Variants in REST observed in about 807,000 individuals in gnomAD.
The protein encoded by REST is RE1 silencing transcription factor, also known as RE1-silencing transcription factor.
A neutral mutation model predicts 30.4 loss-of-function variants in REST; 1 was observed. The observed-to-expected ratio is 0.03, with a 90% CI of 0.01 to 0.16. REST has a LOEUF of 0.16. Ranked by LOEUF, REST falls within the 10% of genes least tolerant of loss-of-function variation. The pLI is 1.00. For missense variants in REST, 1,259 were observed against 1,329.5 expected, an observed-to-expected ratio of 0.95 and a Z score of 0.82; for synonymous variants, 504 against 451.1, an observed-to-expected ratio of 1.12 and a Z score of -1.49.
intron 2 of REST, among the ~76,000 whole-genome samples, chr4:56,912,342 T>C (rs1719969640): frequency 1.4e-5 from 2 of 145,512 alleles, no homozygotes; most frequent in South Asian, 2.2e-4. Flanking sequence ...GTTGAAACTT[T>C]TTTTTTTTTT....
At position 56,927,692 on chromosome 4, in the gene REST, C is replaced by T. The variant is rs919368828; in HGVS notation, c.983-2149C>T. The T allele has an allele frequency of 1.0e-4, 112 of 1,122,934 alleles. No individual in the cohort carries two copies. In the African/African-American group the frequency reaches 1.6e-3, roughly 16 times the overall value. The allele number at this position is 1,122,934 out of a possible 1,614,324, so 69.6% of individuals were successfully genotyped here. ...ATGTATTCAGGTAGAATGTATTACT[C>T]TTATGCCTTTAATTTGGGGGTGGGG... On this transcript the variant is annotated intron_variant, in intron 3 of 3. Coordinates refer to ENST00000309042, the MANE Select transcript of REST (RefSeq NM_005612.5).
At position 56,930,339 on chromosome 4, in the gene REST, A is replaced by AACC. The variant is rs1197062370; in HGVS notation, c.1482_1483insCCA (p.Lys494_Ser495insPro). The AACC allele has an allele frequency of 1.9e-6, 3 of 1,614,020 alleles. No homozygotes were observed. In the African/African-American group the frequency reaches 4.0e-5, roughly 22 times the overall value. On this transcript the variant is annotated inframe_insertion, in exon 4 of 4. Coordinates refer to ENST00000309042, the MANE Select transcript of REST (RefSeq NM_005612.5). ...ATCCAGGTGACTACCAGAACTCGAA[A>AACC]ATCAGTAACAGAGGTGAAAGAGATG...
chr4:56,928,438 CAG>C (rs1261991015), intron 3 of REST, among the ~76,000 whole-genome samples: 1 of 151,912 alleles, frequency 6.6e-6, no homozygotes, highest in Non-Finnish European at 1.5e-5. Context: ...ATTTTTGAGA[CAG>C]GGCCTTGCCC....
At chr4:56,916,695 GT>G (rs1426658128) in intron 2 of REST, among the ~76,000 whole-genome samples, 2 of 152,224 alleles carry the variant, frequency 1.3e-5, no homozygotes, top group African/African-American at 4.8e-5. Flanking sequence ...GATTCTTCAA[GT>G]TTATCTGCAG....
At chr4:56,914,922 C>CT (rs10589188) in intron 2 of REST, among the ~76,000 whole-genome samples, 5,910 of 91,988 alleles carry the variant, frequency 0.064, 264 homozygotes, top group African/African-American at 0.076. Flanking sequence ...TTTTTTTTAA[C>CT]TTTTTTTTTT....
intron 2 of REST, among the ~76,000 whole-genome samples, chr4:56,913,565 C>T (rs922719584): frequency 6.6e-6 from 1 of 152,116 alleles, no homozygotes; most frequent in African/African-American, 2.4e-5. Context: ...GGAGTTGGCA[C>T]TTGACAGGAC....
rs1721112449 is a variant in REST, at chr4:56,935,395, T to C, written c.*3243T>C. ...ATTGAAGAAATTATCTGAATCTTGGTTTGTGTAGATTTACAATCTACATGC... is the reference window on the plus strand; with the variant it reads ...ATTGAAGAAATTATCTGAATCTTGGCTTGTGTAGATTTACAATCTACATGC... On this transcript the variant is annotated 3_prime_UTR_variant, in exon 4 of 4. Coordinates refer to ENST00000309042, the MANE Select transcript of REST (RefSeq NM_005612.5). The C allele has an allele frequency of 6.6e-6, 1 of 152,218 alleles. No individual in the cohort carries two copies. The highest frequency in any genetic ancestry group is 6.5e-5 in the Admixed American group (1 of 15,282). 9.4% of individuals were successfully genotyped at this position (152,218 alleles called of 1,614,324 possible).
Position 56,930,953 on chromosome 4 carries a change from G to A in REST, c.2095G>A (p.Ala699Thr), listed in dbSNP as rs756479154. Reference sequence around the variant, plus strand: ...CATGGAGACTGCTCAGACGGAGGTTGCCCAAATGGGGCCTGCTCCCATGGA... The same window carrying A: ...CATGGAGACTGCTCAGACGGAGGTTACCCAAATGGGGCCTGCTCCCATGGA... The part of the protein sequence containing the change: ...PPMETAQTEV[A>T]QMGPAPMEPA... Residue 699 changes from alanine to threonine, a missense_variant, in exon 4 of 4, where the codon GCC becomes ACC. Ala to Thr is a moderately conservative substitution (Grantham distance 58, BLOSUM62 0). Around this residue, in one of 5 missense-constraint regions of REST, gnomAD observed 856 missense variants for 772.8 expected, o/e 1.11. Transcript: ENST00000309042. 5.0e-6 allele frequency: 8 copies of A among 1,613,440 alleles called. No individual in the cohort carries two copies. The South Asian group carries it at 8.8e-5, about 18-fold the overall frequency.
At chr4:56,915,730 G>A (rs1720166732) in intron 2 of REST, among the ~76,000 whole-genome samples, 1 of 152,118 alleles carries the variant, frequency 6.6e-6, no homozygotes, top group Non-Finnish European at 1.5e-5. Context: ...TAGTGTTCAG[G>A]AATTACTTCT....
At chr4:56,920,426 C>A (rs1192683499) in intron 3 of REST, among the ~76,000 whole-genome samples, 1 of 151,010 alleles carries the variant, frequency 6.6e-6, no homozygotes, top group Non-Finnish European at 1.5e-5. Context: ...ATGAGAGATT[C>A]GTCCACTCCA....
In REST at chr4:56,933,125, C is replaced by T. The variant is rs112072087; in HGVS notation, c.*973C>T. ...TCGAATGGATGTAGTAAATTCACAG[C>T]TATCAGTTTTGATTTTGCAATAAAT... On this transcript the variant is annotated 3_prime_UTR_variant, in exon 4 of 4. Coordinates refer to ENST00000309042, the MANE Select transcript of REST (RefSeq NM_005612.5). The T allele has an allele frequency of 1.4e-3, 207 of 152,186 alleles. No homozygotes were observed. Among genetic ancestry groups the T allele is most frequent in the African/African-American group, 3.8e-3 (158 of 41,520 alleles). 9.4% of individuals were successfully genotyped at this position (152,186 alleles called of 1,614,324 possible). A position where few individuals can be genotyped will look rare whatever the true frequency, so the allele number is the denominator to read the frequency against.
At chr4:56,921,699 C>T (rs776812535) in intron 3 of REST, among the ~76,000 whole-genome samples, 6 of 152,088 alleles carry the variant, frequency 3.9e-5, no homozygotes, top group Non-Finnish European at 7.4e-5. Context: ...TGTGAGCCAC[C>T]GCGCCCGGCC....
chr4:56,909,445 CCATTTGGGGTGG>C (rs1273330464), intron 1 of REST: 4 of 152,374 alleles, frequency 2.6e-5, no homozygotes, highest in Middle Eastern at 3.4e-3. Flanking sequence ...CGTTAAAATT[CCATTTGGGGTGG>C]CAGTTAGGGG....
chr4:56,919,899 A>G (rs771537296), intron 3 of REST, 29 bp downstream of exon 3: 31 of 1,238,364 alleles, frequency 2.5e-5, no homozygotes, highest in Non-Finnish European at 3.6e-5. Context: ...CTTTTCTATC[A>G]TTTTCAGTAA....
Position 56,927,011 on chromosome 4 carries a change from G to A in REST, c.983-2830G>A, listed in dbSNP as rs770570710. On this transcript the variant is annotated intron_variant, in intron 3 of 3. Transcript: ENST00000309042. ...CTAGGGAAGGTGAGGCAGGAGAATC[G>A]CTTGAACCTGGGAGGCGGGGGTTGC... Among the ~76,000 whole-genome samples the A allele has an allele frequency of 4.9e-4, 75 of 151,814 alleles. 2 individuals carry two copies. Among genetic ancestry groups the A allele is most frequent in the Admixed American group, 2.6e-4 (4 of 15,226 alleles).
Position 56,911,202 on chromosome 4 carries a change from G to A in REST, c.564G>A (p.Val188=), listed in dbSNP as rs758153023. The part of the protein sequence containing the change: ...IRVHSAKKFF[V]EESAEKQAKA... ...TTCACAGTGCTAAGAAATTTTTTGT[G>A]GAAGAGAGTGCAGAGAAGCAGGCAA... Residue 188 remains valine (V), a synonymous_variant, in exon 2 of 4, where the codon GTG becomes GTA. Coordinates refer to ENST00000309042, the MANE Select transcript of REST (RefSeq NM_005612.5). The A allele has an allele frequency of 6.2e-7, 1 of 1,614,134 alleles. No individual in the cohort carries two copies. The highest frequency in any genetic ancestry group is 1.7e-5 in the Admixed American group (1 of 60,002).
rs747917773 is a variant in REST, at chr4:56,930,505, C to A, written c.1647C>A (p.Ser549Arg). The A allele has an allele frequency of 6.2e-7, 1 of 1,610,878 alleles. No homozygotes were observed. Among genetic ancestry groups the A allele is most frequent in the Non-Finnish European group, 8.5e-7 (1 of 1,179,308 alleles). Residue 549 changes from serine to arginine, a missense_variant, in exon 4 of 4, where the codon AGC (serine) becomes AGA (arginine). Ser to Arg is a moderately radical substitution (Grantham distance 110, BLOSUM62 -1). Around this residue, in one of 5 missense-constraint regions of REST, gnomAD observed 856 missense variants for 772.8 expected, o/e 1.11. Transcript: ENST00000309042. The stretch of plus-strand genomic sequence containing the variant: ...CAAAAAAGAAAAAGAAGGTAGAAAG[C>A]AAATCCAAAAATAATAGTCAGGAAG... Reference protein sequence around the residue: ...SSTKKKKKVESKSKNNSQEVP... With the variant: ...SSTKKKKKVERKSKNNSQEVP...
At chr4:56,912,380 G>A (rs779488882) in intron 2 of REST, among the ~76,000 whole-genome samples, 3 of 133,198 alleles carry the variant, frequency 2.3e-5, no homozygotes, top group South Asian at 2.4e-4. Context: ...TGGCTTTGTC[G>A]CCCAGGCTGG....
At chr4:56,925,089 CG>C (rs573479446) in intron 3 of REST, among the ~76,000 whole-genome samples, 142 of 148,654 alleles carry the variant, frequency 9.6e-4, no homozygotes, top group Middle Eastern at 3.5e-3. Flanking sequence ...CACTTGAACC[CG>C]GGAGACGGTG....
Sources: allele counts gnomAD v4.1 joint callset (sites outside exome capture counted in the v4.1 genomes callset), GRCh38; gene constraint gnomAD v4.1.1; regional missense constraint gnomAD v4.1.1; transcripts MANE v1.5; gene names NCBI Gene and HGNC (gene_info 2026-07-23, HGNC 2026-07-21).